POLR2F: variants seen among roughly 807,000 people sequenced by gnomAD.
POLR2F encodes DNA-directed RNA polymerases I, II, and III subunit RPABC2.
POLR2F carries 12 observed loss-of-function variants against 22.7 expected under a neutral mutation model. That is an observed-to-expected ratio of 0.53 (90% confidence interval 0.34 to 0.86). The LOEUF (loss-of-function observed/expected upper bound fraction) is 0.86. Ranked by LOEUF, POLR2F falls within the 40% of genes least tolerant of loss-of-function variation. The pLI, the probability that POLR2F is intolerant of heterozygous loss-of-function variation, is 0.02. For missense variants in POLR2F, 126 were observed against 171.5 expected (o/e 0.73, Z 1.48); for synonymous variants, 57 against 66.0 (o/e 0.86, Z 0.66).
At chr22:37,958,704 C>G (rs1022149394) in intron 2 of POLR2F, among the ~76,000 whole-genome samples, 2 of 152,160 alleles carry the variant, frequency 1.3e-5, no homozygotes, top group African/African-American at 2.4e-5. Flanking sequence ...TCCTAACCCC[C>G]AGTGTGAGTG....
rs540829255 is a variant in POLR2F at position 38,014,562 on chromosome 22, G to A, written c.121-11307G>A. Among the ~76,000 whole-genome samples the A allele has an allele frequency of 3.4e-5, 5 of 148,734 alleles. No homozygotes were observed. In the East Asian group the frequency reaches 9.9e-4, roughly 30 times the overall value. On this transcript the variant is annotated intron_variant, in intron 1 of 2. Coordinates refer to the POLR2F transcript ENST00000333418. ...CGGAGACTCAGTGTGGCACGATCTC[G>A]GCTCACTGTAACCACTGCCTCCCGG...
chr22:38,026,971 G>C (rs904868814), downstream of POLR2F, among the ~76,000 whole-genome samples: 13 of 152,192 alleles, frequency 8.5e-5, no homozygotes, highest in Non-Finnish European at 1.9e-4. Context: ...GTGTGGGTGG[G>C]TGGATGGACG....
chr22:37,971,466 AG>A (rs1390069915), downstream of POLR2F, among the ~76,000 whole-genome samples: 10 of 152,178 alleles, frequency 6.6e-5, no homozygotes, highest in Non-Finnish European at 1.0e-4. Context: ...AAGATGGCAA[AG>A]AGTCTTTGGA....
At chr22:38,039,341 C>T (rs1375810504) in intron 5 of POLR2F, among the ~76,000 whole-genome samples, 4 of 152,214 alleles carry the variant, frequency 2.6e-5, no homozygotes, top group Non-Finnish European at 5.9e-5. Flanking sequence ...TCCGGGGACA[C>T]AATTTCTGTC....
chr22:37,956,538 C>T (rs1212907402), intron 1 of POLR2F, among the ~76,000 whole-genome samples: 1 of 151,710 alleles, frequency 6.6e-6, no homozygotes, highest in African/African-American at 2.4e-5. Flanking sequence ...TGACTCAGCC[C>T]CCCAAGTAGC....
At chr22:37,983,481 G>T (rs758261188), upstream of POLR2F, 2 of 1,611,828 alleles carry the variant, frequency 1.2e-6, no homozygotes, top group South Asian at 1.1e-5. The surrounding 1 kb of genome is among the most constrained non-coding windows in gnomAD (Gnocchi z 9.5). Context: ...TTGACGTGCG[G>T]CTTGCTTTTG....
At chr22:37,996,990 T>A (rs2084720945) in intron 1 of POLR2F, among the ~76,000 whole-genome samples, 2 of 152,200 alleles carry the variant, frequency 1.3e-5, no homozygotes, top group South Asian at 4.1e-4. Flanking sequence ...CACTCCTGTG[T>A]CCTACTCGGG....
intron 1 of POLR2F, among the ~76,000 whole-genome samples, chr22:37,992,686 A>G (rs919534493): frequency 6.6e-6 from 1 of 152,146 alleles, no homozygotes; most frequent in South Asian, 2.1e-4. Flanking sequence ...GGTGTGAGCC[A>G]CCGTGCCCGC....
intron 1 of POLR2F, among the ~76,000 whole-genome samples, chr22:38,005,864 A>G (rs534876215): frequency 2.2e-4 from 34 of 152,356 alleles, no homozygotes; most frequent in African/African-American, 7.9e-4. Context: ...CAAGACTGTG[A>G]ATCATTTTTA....
chr22:37,980,553 G>C lies in POLR2F; in HGVS notation c.293+13383G>C, dbSNP rs906212530. On this transcript the variant is annotated intron_variant, in intron 4 of 4. Transcript: ENST00000405557. The surrounding 1 kb of genome is among the most constrained non-coding windows in gnomAD (Gnocchi z 4.1). ...AGCTCCCTCCTCCACCAGCTGTGCC[G>C]GACAGCTGATTCCACCTCCACCCCA... Among the ~76,000 whole-genome samples the C allele has an allele frequency of 6.6e-6, 1 of 151,886 alleles. No individual in the cohort carries two copies. The highest frequency in any genetic ancestry group is 1.5e-5 in the Non-Finnish European group (1 of 67,952).
At position 37,958,782 on chromosome 22, in the gene POLR2F, C is replaced by T. The variant is rs746074212; in HGVS notation, c.91-564C>T. 6.6e-5 allele frequency among the ~76,000 whole-genome samples: 10 copies of T among 152,180 alleles called. 1 individual carries two copies. Among genetic ancestry groups the T allele is most frequent in the Admixed American group, 2.6e-4 (4 of 15,272 alleles). On this transcript the variant is annotated intron_variant, in intron 2 of 4. Transcript: ENST00000442738. ...GCACCTGCTCTGTTTACTCTTGTCTCCCCTTTAGACCATTAATTGAGAGCA... is the reference window on the plus strand; with the variant it reads ...GCACCTGCTCTGTTTACTCTTGTCTTCCCTTTAGACCATTAATTGAGAGCA...
Position 38,022,457 on chromosome 22 carries a change from G to A in POLR2F, c.121-3412G>A, listed in dbSNP as rs188300400. Among the ~76,000 whole-genome samples the A allele has an allele frequency of 2.6e-3, 399 of 151,136 alleles. 1 individual carries two copies. Among genetic ancestry groups the A allele is most frequent in the African/African-American group, 9.2e-3 (377 of 41,172 alleles). On this transcript the variant is annotated intron_variant, in intron 1 of 2. Coordinates refer to the POLR2F transcript ENST00000333418. ...TCCCAGGTGCTCAGAAGGCTGAGGT[G>A]GGAGAATTGCTTGAACCCAGGAGGC... is the stretch of plus-strand genomic sequence containing the variant.
In POLR2F at chr22:37,986,759, C is replaced by G. The variant is rs746880610; in HGVS notation, c.120+447C>G. 1.1e-5 allele frequency: 5 copies of G among 472,710 alleles called. No homozygotes were observed. The highest frequency in any genetic ancestry group is 3.1e-5 in the South Asian group (2 of 64,724). 29.3% of individuals were successfully genotyped at this position (472,710 alleles called of 1,614,324 possible). A position where few individuals can be genotyped will look rare whatever the true frequency, so the allele number is the denominator to read the frequency against. On this transcript the variant is annotated intron_variant, in intron 1 of 2. Coordinates refer to the POLR2F transcript ENST00000333418. The surrounding 1 kb of genome is among the most constrained non-coding windows in gnomAD (Gnocchi z 4.7). ...GTGCTGTGTGTGTGTGGTTGGGGCCCCTGCTGCGAACACATCCCTGCCCAC... is the reference window on the plus strand; with the variant it reads ...GTGCTGTGTGTGTGTGGTTGGGGCCGCTGCTGCGAACACATCCCTGCCCAC...
intron 5 of POLR2F, chr22:38,032,098 A>C (rs1197129711): frequency 2.6e-5 from 4 of 152,170 alleles, no homozygotes; most frequent in African/African-American, 9.7e-5. Flanking sequence ...CCTGGGCTTA[A>C]GTGATCCTCC....
downstream of POLR2F, chr22:38,041,113 CAAT>C: frequency 6.2e-7 from 1 of 1,612,896 alleles, no homozygotes; most frequent in South Asian, 1.1e-5. Flanking sequence ...GCCCCGTGAA[CAAT>C]GCATGGTGGA....
Position 37,987,517 on chromosome 22 carries a change from G to A in POLR2F, c.120+1205G>A, listed in dbSNP as rs760643584. The A allele has an allele frequency of 2.5e-5, 9 of 354,192 alleles. No homozygotes were observed. The East Asian group carries it at 3.7e-4, about 15-fold the overall frequency. 21.9% of individuals were successfully genotyped at this position (354,192 alleles called of 1,614,324 possible). A position where few individuals can be genotyped will look rare whatever the true frequency, so the allele number is the denominator to read the frequency against. On this transcript the variant is annotated intron_variant, in intron 1 of 2. Transcript: ENST00000333418. ...GGGTCCCTGGTCCCTCACCTGTCAC[G>A]TGGGGCGATGGTCACCCTCCCTCCC...
intron 1 of POLR2F, among the ~76,000 whole-genome samples, chr22:38,011,626 T>G (rs1410290565): frequency 6.6e-6 from 1 of 152,202 alleles, no homozygotes; most frequent in Non-Finnish European, 1.5e-5. Context: ...ATGTATGCCT[T>G]TATGTCAATG....
intron 1 of POLR2F, among the ~76,000 whole-genome samples, chr22:38,013,727 A>C (rs2084891735): frequency 1.3e-5 from 2 of 152,180 alleles, no homozygotes; most frequent in South Asian, 4.1e-4. Context: ...TTATAATACA[A>C]ATTTATCCCC....
In POLR2F at chr22:37,953,730, T is replaced by C; in HGVS notation, c.-58T>C. The C allele has an allele frequency of 1.3e-6, 2 of 1,586,986 alleles. No individual in the cohort carries two copies. The highest frequency in any genetic ancestry group is 1.1e-5 in the South Asian group (1 of 87,710). ...GGAGCCGCGCGAGTCGTAGTGTCGC[T>C]GTTTGCGGGTCTCCGCGCGGGACCG... On this transcript the variant is annotated 5_prime_UTR_variant, in exon 1 of 5. Coordinates refer to ENST00000442738, the MANE Select transcript of POLR2F (RefSeq NM_021974.5).
Sources: allele counts gnomAD v4.1 joint callset (sites outside exome capture counted in the v4.1 genomes callset), GRCh38; gene constraint gnomAD v4.1.1; non-coding constraint Gnocchi (gnomAD v3.1); transcripts MANE v1.5; gene names NCBI Gene and HGNC (gene_info 2026-07-23, HGNC 2026-07-21).